The following UNC13C variants were observed in gnomAD, a reference collection of about 807,000 sequenced individuals.
UNC13C encodes unc-13 homolog C, also known as protein unc-13 homolog C.
Under a neutral mutation model 245.4 loss-of-function variants are expected in UNC13C, and 174 were observed. The observed-to-expected ratio is 0.71, with a 90% CI of 0.63 to 0.80. UNC13C has a LOEUF of 0.80. Ranked by LOEUF, UNC13C falls within the 30% of genes least tolerant of loss-of-function variation. UNC13C has a pLI of 0.00. For missense variants in UNC13C, 2,829 were observed against 2,602.9 expected, an observed-to-expected ratio of 1.09 and a Z score of -1.89; for synonymous variants, 992 against 895.1, an observed-to-expected ratio of 1.11 and a Z score of -1.93.
chr15:53,863,201 A>G, the UNC13C span, among the ~76,000 whole-genome samples: 1 of 152,314 alleles, frequency 6.6e-6, no homozygotes, highest in East Asian at 1.9e-4. Context: ...GCAAGACCAA[A>G]GCCTAGCAAG....
At chr15:54,588,858 T>C (rs893793673) in intron 30 of UNC13C, among the ~76,000 whole-genome samples, 2 of 152,214 alleles carry the variant, frequency 1.3e-5, no homozygotes, top group East Asian at 1.9e-4. Context: ...TGTATATATA[T>C]ACGAGTTTCT....
At chr15:54,382,646 C>A (rs555308698) in intron 17 of UNC13C, among the ~76,000 whole-genome samples, 15 of 151,510 alleles carry the variant, frequency 9.9e-5, no homozygotes, top group African/African-American at 3.6e-4. Context: ...TTGTACACTT[C>A]AAGCAACTAG....
chr15:53,851,091 C>T, the UNC13C span, among the ~76,000 whole-genome samples: 1 of 151,950 alleles, frequency 6.6e-6, no homozygotes, highest in African/African-American at 2.4e-5. Context: ...TATCCTTGAG[C>T]ATATATATCA....
At chr15:54,133,785 A>T (rs571864773) in intron 2 of UNC13C, among the ~76,000 whole-genome samples, 1 of 152,296 alleles carries the variant, frequency 6.6e-6, no homozygotes, top group Non-Finnish European at 1.5e-5. Context: ...ATCTATATAC[A>T]CAATATCTGT....
At chr15:54,098,935 A>G (rs1322243058) in intron 2 of UNC13C, among the ~76,000 whole-genome samples, 2 of 152,214 alleles carry the variant, frequency 1.3e-5, no homozygotes, top group Admixed American at 6.5e-5. Flanking sequence ...AAGTCTGACC[A>G]CAACTGCCTC....
intron 26 of UNC13C, among the ~76,000 whole-genome samples, chr15:54,546,468 T>C (rs1896485450): frequency 6.6e-6 from 1 of 151,988 alleles, no homozygotes; most frequent in Non-Finnish European, 1.5e-5. Context: ...TAAAGTATAA[T>C]GGGAAAAAAG....
intron 19 of UNC13C, among the ~76,000 whole-genome samples, chr15:54,480,990 A>G (rs975750350): frequency 5.9e-5 from 9 of 152,282 alleles, no homozygotes; most frequent in South Asian, 4.2e-4. Context: ...TCAGGGTACA[A>G]TGTATTCTCA....
chr15:54,507,014 A>C (rs548713874), intron 22 of UNC13C, 103 bp from the exon 23 acceptor site: 1 of 674,092 alleles, frequency 1.5e-6, no homozygotes, highest in African/African-American at 1.8e-5. Flanking sequence ...ATGTAGAACT[A>C]AGATGAAAAA....
the UNC13C span, among the ~76,000 whole-genome samples, chr15:53,884,875 C>A: frequency 1.3e-5 from 2 of 152,114 alleles, no homozygotes; most frequent in Admixed American, 6.6e-5. Flanking sequence ...CTGGAAAAGA[C>A]AAAACTGTTG....
intron 14 of UNC13C, among the ~76,000 whole-genome samples, chr15:54,326,700 T>C (rs1175875824): frequency 3.3e-5 from 5 of 151,508 alleles, no homozygotes; most frequent in Non-Finnish European, 7.4e-5. Context: ...AGACAGAGGA[T>C]TGTGGGAGGA....
At chr15:54,193,123 C>T (rs1324489122) in intron 4 of UNC13C, among the ~76,000 whole-genome samples, 1 of 152,056 alleles carries the variant, frequency 6.6e-6, no homozygotes, top group Non-Finnish European at 1.5e-5. Context: ...AAGTTGTTTT[C>T]TTCTACTTTA....
chr15:54,010,328 G>T (rs774055276), intron 1 of UNC13C, among the ~76,000 whole-genome samples: 1 of 152,168 alleles, frequency 6.6e-6, no homozygotes, highest in Non-Finnish European at 1.5e-5. Context: ...AATATTTAAC[G>T]TAAATAATTA....
intron 13 of UNC13C, among the ~76,000 whole-genome samples, chr15:54,303,956 T>A (rs1194862127): frequency 6.6e-6 from 1 of 152,138 alleles, no homozygotes; most frequent in Non-Finnish European, 1.5e-5. Flanking sequence ...TGGTAGCAAG[T>A]GACCTGCAGG....
intron 1 of UNC13C, among the ~76,000 whole-genome samples, chr15:53,990,537 T>A (rs1369409456): frequency 1.3e-5 from 2 of 152,054 alleles, no homozygotes; most frequent in East Asian, 3.9e-4. Flanking sequence ...CTTTTGTTTT[T>A]ACTTTTATTT....
At chr15:54,623,309 A>G (rs192316303) in intron 31 of UNC13C, among the ~76,000 whole-genome samples, 5 of 152,304 alleles carry the variant, frequency 3.3e-5, no homozygotes, top group Non-Finnish European at 7.4e-5. Flanking sequence ...GACAAAATAT[A>G]TAATGAATTA....
At chr15:54,337,930 C>T (rs2038631793) in intron 16 of UNC13C, among the ~76,000 whole-genome samples, 1 of 152,102 alleles carries the variant, frequency 6.6e-6, no homozygotes, top group Non-Finnish European at 1.5e-5. Flanking sequence ...CCCATCCTTC[C>T]TCTGTTTTAC....
chr15:54,018,461 T>A, intron 2 of UNC13C, among the ~76,000 whole-genome samples: 1 of 152,322 alleles, frequency 6.6e-6, no homozygotes, highest in East Asian at 1.9e-4. Context: ...ACTCCAATGT[T>A]TATAGATGTG....
At chr15:53,848,485 T>C in the UNC13C span, among the ~76,000 whole-genome samples, 1 of 152,292 alleles carries the variant, frequency 6.6e-6, no homozygotes. Context: ...TCAGAGAACA[T>C]ACTTTGAATT....
At chr15:53,907,584 A>G in the UNC13C span, among the ~76,000 whole-genome samples, 1 of 152,170 alleles carries the variant, frequency 6.6e-6, no homozygotes, top group Non-Finnish European at 1.5e-5. Flanking sequence ...TTTTGGAGTC[A>G]GTTTCCTCAT....
Sources: allele counts gnomAD v4.1 joint callset (sites outside exome capture counted in the v4.1 genomes callset), GRCh38; gene constraint gnomAD v4.1.1; transcripts MANE v1.5; gene names NCBI Gene and HGNC (gene_info 2026-07-23, HGNC 2026-07-21).